The following CTNNA3 variants were observed in gnomAD, a reference collection of about 807,000 sequenced individuals.
CTNNA3 encodes the protein catenin alpha 3, also known as catenin alpha-3.
CTNNA3 carries 76 observed loss-of-function variants against 95.7 expected under a neutral mutation model. That is an observed-to-expected ratio of 0.79 (90% CI 0.66 to 0.96). The LOEUF is 0.96. CTNNA3 is among the 40% of genes least tolerant of loss of function. The pLI, the probability that CTNNA3 is intolerant of heterozygous loss-of-function variation, is 0.00. For missense variants in CTNNA3, 1,191 were observed against 1,089.8 expected (o/e 1.09, Z -1.31); for synonymous variants, 431 against 374.4 (o/e 1.15, Z -1.74).
chr10:66,829,771 T>A lies in CTNNA3; in HGVS notation c.1048-54247A>T, dbSNP rs185361332. Among the ~76,000 whole-genome samples, 30 of 151,690 alleles carry A rather than the reference T, an allele frequency of 2.0e-4. 2 individuals carry two copies. In the East Asian group the frequency reaches 5.4e-3, roughly 28 times the overall value. ...TGCCTTAGACTACAGCACCCATTCC[T>A]ATTAGCCTTACACCACCACCTACTG... On this transcript the variant is annotated intron_variant, in intron 7 of 17. Transcript: ENST00000433211.
intron 7 of CTNNA3, among the ~76,000 whole-genome samples, chr10:66,802,380 C>A (rs188500586): frequency 2.8e-4 from 42 of 151,776 alleles, no homozygotes; most frequent in African/African-American, 9.7e-4. Context: ...AGAAGATATG[C>A]AAATGACCAA....
At chr10:66,797,693 A>C (rs1195107425) in intron 7 of CTNNA3, among the ~76,000 whole-genome samples, 3 of 151,888 alleles carry the variant, frequency 2.0e-5, no homozygotes, top group Admixed American at 6.6e-5. Context: ...CCGAGGTTGG[A>C]GCTTGCTCTC....
intron 2 of CTNNA3, among the ~76,000 whole-genome samples, chr10:67,637,771 A>G (rs1839373090): frequency 6.6e-6 from 1 of 152,236 alleles, no homozygotes; most frequent in Non-Finnish European, 1.5e-5. Context: ...ACTAAACTTC[A>G]TAAGTGAAGG....
rs1278832775 is a variant in CTNNA3, at chr10:67,576,845, G to C, written c.292+30012C>G. 1.9e-5 allele frequency among the ~76,000 whole-genome samples: 2 copies of C among 104,174 alleles called. 1 individual carries two copies. Among genetic ancestry groups the C allele is most frequent in the Admixed American group, 1.8e-4 (2 of 11,322 alleles). 68.3% of individuals were successfully genotyped at this position (104,174 alleles called of 152,430 possible). A position where few individuals can be genotyped will look rare whatever the true frequency, so the allele number is the denominator to read the frequency against. On this transcript the variant is annotated intron_variant, in intron 3 of 17. Transcript: ENST00000433211. ...TTGCAATAGTTTGCTGAGAATGATA[G>C]TTTCCAGCATCATCGATGTCCCTGC...
chr10:67,483,271 A>G (rs1564682274), intron 5 of CTNNA3, among the ~76,000 whole-genome samples: 1 of 150,124 alleles, frequency 6.7e-6, no homozygotes, highest in Non-Finnish European at 1.5e-5. Flanking sequence ...TACTGGGTAT[A>G]TACCCAAAGG....
intron 7 of CTNNA3, among the ~76,000 whole-genome samples, chr10:66,858,555 T>A (rs1843775353): frequency 6.6e-6 from 1 of 152,084 alleles, no homozygotes; most frequent in African/African-American, 2.4e-5. Flanking sequence ...GTTGGTAGGC[T>A]TTTTGTTAAT....
intron 5 of CTNNA3, among the ~76,000 whole-genome samples, chr10:67,223,242 C>G (rs1006425849): frequency 6.6e-6 from 1 of 152,156 alleles, no homozygotes; most frequent in Non-Finnish European, 1.5e-5. Flanking sequence ...AATAGGCACA[C>G]AGATAAAAGA....
Position 67,399,912 on chromosome 10 carries a change from T to C in CTNNA3, c.579+121930A>G, listed in dbSNP as rs185468062. On this transcript the variant is annotated intron_variant, in intron 5 of 17. Coordinates refer to ENST00000433211, the MANE Select transcript of CTNNA3 (RefSeq NM_013266.4). Reference sequence around the variant, plus strand: ...AGTGGAAGAATTTCTATAGTTATATTTTAATTACAATTTTTTTTTATTATA... The same window carrying C: ...AGTGGAAGAATTTCTATAGTTATATCTTAATTACAATTTTTTTTTATTATA... Among the ~76,000 whole-genome samples the C allele has an allele frequency of 1.9e-3, 286 of 152,070 alleles. 2 individuals are homozygous for C. Among genetic ancestry groups the C allele is most frequent in the African/African-American group, 6.6e-3 (275 of 41,402 alleles).
At chr10:66,026,059 G>T (rs570969467) in intron 15 of CTNNA3, among the ~76,000 whole-genome samples, 1 of 152,078 alleles carries the variant, frequency 6.6e-6, no homozygotes, top group Non-Finnish European at 1.5e-5. Flanking sequence ...TTTTGAGAGC[G>T]TATCATTAAA....
chr10:66,891,834 TGG>T (rs926459627), intron 7 of CTNNA3, among the ~76,000 whole-genome samples: 1 of 152,142 alleles, frequency 6.6e-6, no homozygotes, highest in Admixed American at 6.6e-5. Context: ...CATTCCTGTC[TGG>T]GCTAGAAATC....
intron 13 of CTNNA3, among the ~76,000 whole-genome samples, chr10:66,164,609 TTAAA>T (rs1299669584): frequency 6.6e-6 from 1 of 152,100 alleles, no homozygotes; most frequent in Non-Finnish European, 1.5e-5. Flanking sequence ...GAGAATTAAG[TTAAA>T]TAATCCCAAC....
intron 3 of CTNNA3, among the ~76,000 whole-genome samples, chr10:67,545,771 T>C (rs752119868): frequency 7.9e-5 from 12 of 152,192 alleles, no homozygotes; most frequent in Non-Finnish European, 1.2e-4. Flanking sequence ...AAGTTATGCG[T>C]TTGTGTGTGT....
intron 7 of CTNNA3, among the ~76,000 whole-genome samples, chr10:66,949,480 C>A (rs1848429913): frequency 6.6e-6 from 1 of 152,020 alleles, no homozygotes; most frequent in Non-Finnish European, 1.5e-5. Context: ...ATTGCTTGAA[C>A]CCAGGAGGCG....
chr10:67,180,586 T>A, intron 6 of CTNNA3, 66 bp from the exon 7 acceptor site: 1 of 1,339,688 alleles, frequency 7.5e-7, no homozygotes, highest in Non-Finnish European at 1.1e-6. Flanking sequence ...AAAACAAATG[T>A]TATTTTGTTT....
At chr10:67,134,309 G>C (rs540309377) in intron 7 of CTNNA3, among the ~76,000 whole-genome samples, 1 of 152,092 alleles carries the variant, frequency 6.6e-6, no homozygotes, top group Non-Finnish European at 1.5e-5. Flanking sequence ...CATAATCATT[G>C]AAAAATGTAG....
At chr10:66,334,312 C>A (rs1342381599) in intron 12 of CTNNA3, among the ~76,000 whole-genome samples, 1 of 151,946 alleles carries the variant, frequency 6.6e-6, no homozygotes, top group Non-Finnish European at 1.5e-5. Context: ...GATGTAGTTT[C>A]TTCCTAGCCT....
At chr10:67,612,326 A>C (rs1048087106) in intron 2 of CTNNA3, among the ~76,000 whole-genome samples, 1 of 152,246 alleles carries the variant, frequency 6.6e-6, no homozygotes, top group Non-Finnish European at 1.5e-5. Context: ...AACTGTTTAC[A>C]CTTATATAAG....
intron 11 of CTNNA3, among the ~76,000 whole-genome samples, chr10:66,462,477 C>T (rs776765076): frequency 2.0e-5 from 3 of 152,034 alleles, no homozygotes; most frequent in Non-Finnish European, 4.4e-5. Flanking sequence ...AATTAGTTTG[C>T]CTACATACTT....
At chr10:66,542,063 C>T (rs1315180385) in intron 10 of CTNNA3, among the ~76,000 whole-genome samples, 1 of 152,004 alleles carries the variant, frequency 6.6e-6, no homozygotes, top group Non-Finnish European at 1.5e-5. Flanking sequence ...ACAACCCCAT[C>T]AAAAAATGGG....
Sources: gnomAD v4.1 joint callset for allele counts (sites outside exome capture counted in the v4.1 genomes callset) on GRCh38, gnomAD v4.1.1 for gene constraint, MANE v1.5 for transcripts, NCBI Gene and HGNC (gene_info 2026-07-23, HGNC 2026-07-21) for gene names.